PPP1R13B: variants seen among roughly 807,000 people sequenced by gnomAD.
PPP1R13B encodes the protein protein phosphatase 1 regulatory subunit 13B, also known as apoptosis-stimulating of p53 protein 1.
A neutral mutation model predicts 119.8 loss-of-function variants in PPP1R13B; 44 were observed. The observed-to-expected ratio is 0.37, with a 90% CI of 0.29 to 0.47. PPP1R13B has a LOEUF of 0.47. Among genes scored for constraint, PPP1R13B ranks in the 20% least tolerant of loss-of-function variants. The pLI is 0.99. For synonymous variants in PPP1R13B, 542 were observed against 561.5 expected (o/e 0.97, Z 0.49); for missense variants, 1,227 against 1,413.5 (o/e 0.87, Z 2.12).
upstream of PPP1R13B, chr14:103,847,609 C>T (rs1056871082): frequency 7.1e-6 from 7 of 986,350 alleles, no homozygotes; most frequent in African/African-American, 1.2e-4. Flanking sequence ...CTTCAGCCCC[C>T]GCAGGCCCCG....
At position 103,789,235 on chromosome 14, in the gene PPP1R13B, G is replaced by C. The variant is rs556701798; in HGVS notation, c.158-4321C>G. Among the ~76,000 whole-genome samples, 447 of 151,956 alleles carry C rather than the reference G, an allele frequency of 2.9e-3. 1 individual carries two copies. The highest frequency in any genetic ancestry group is 5.4e-3 in the South Asian group (26 of 4,808). ...TGTATTTTTGCAATTTTTTTTTTGG[G>C]GGGGATGGAGTCTCACTCTGTCGCC... is the stretch of plus-strand genomic sequence containing the variant. On this transcript the variant is annotated intron_variant, in intron 2 of 16. Transcript: ENST00000202556.
At chr14:103,764,930 T>C (rs1022572738) in intron 4 of PPP1R13B, among the ~76,000 whole-genome samples, 1 of 152,320 alleles carries the variant, frequency 6.6e-6, no homozygotes, top group Admixed American at 6.5e-5. Context: ...GCCATTCTCC[T>C]GCCTCAATCT....
At position 103,733,277 on chromosome 14, in the gene PPP1R13B, A is replaced by G. The variant is rs1357756481; in HGVS notation, c.*1877T>C. 2 of 478,466 alleles carry G rather than the reference A, an allele frequency of 4.2e-6. No individual in the cohort carries two copies. Among genetic ancestry groups the G allele is most frequent in the African/African-American group, 3.9e-5 (2 of 50,936 alleles). The allele number at this position is 478,466 out of a possible 1,614,324, so 29.6% of individuals were successfully genotyped here. Reference sequence around the variant, plus strand: ...TTGGGGGTGGGAGAGACTGAGCTACACTACTGCTAAACTATTTTTAGCATA... The same window carrying G: ...TTGGGGGTGGGAGAGACTGAGCTACGCTACTGCTAAACTATTTTTAGCATA... On this transcript the variant is annotated 3_prime_UTR_variant, in exon 17 of 17. Coordinates refer to ENST00000202556, the MANE Select transcript of PPP1R13B (RefSeq NM_015316.3).
Position 103,738,598 on chromosome 14 carries a change from T to G in PPP1R13B, c.2864+81A>C. 6.4e-7 allele frequency: 1 copy of G among 1,571,108 alleles called. No homozygotes were observed. Among genetic ancestry groups the G allele is most frequent in the Middle Eastern group, 1.7e-4 (1 of 5,890 alleles). On this transcript the variant is annotated intron_variant, in intron 14 of 16. Coordinates refer to ENST00000202556, the MANE Select transcript of PPP1R13B (RefSeq NM_015316.3). The surrounding 1 kb of genome is among the most constrained non-coding windows in gnomAD (Gnocchi z 5.6). ...CTCTAATTCTCTCTTCCGTGCTTCC[T>G]AATTGTCTAGAACACGCCTGTTTTC...
At position 103,742,409 on chromosome 14, in the gene PPP1R13B, C is replaced by T; in HGVS notation, c.1321-118G>A. ...TTGTAATCCGTCAAATTGGCTGTGA[C>T]CAGGACTTGGGGCACACTGTTGAGC... On this transcript the variant is annotated intron_variant, in intron 10 of 16. Transcript: ENST00000202556. This position sits in a 1 kb window ranked among gnomAD's most constrained non-coding sequence, Gnocchi z 4.9. The T allele has an allele frequency of 7.1e-7, 1 of 1,399,806 alleles. No homozygotes were observed. Among genetic ancestry groups the T allele is most frequent in the Non-Finnish European group, 9.5e-7 (1 of 1,047,958 alleles). 86.7% of individuals were successfully genotyped at this position (1,399,806 alleles called of 1,614,324 possible).
chr14:103,772,370 G>T (rs1021012797), intron 4 of PPP1R13B, among the ~76,000 whole-genome samples: 7 of 152,182 alleles, frequency 4.6e-5, no homozygotes, highest in Non-Finnish European at 8.8e-5. Context: ...GAGTAGAGTT[G>T]TTGGGTCATA....
chr14:103,821,674 C>G (rs1012811604), intron 1 of PPP1R13B, among the ~76,000 whole-genome samples: 1 of 152,052 alleles, frequency 6.6e-6, no homozygotes, highest in Non-Finnish European at 1.5e-5. Context: ...TTGCTTGAAC[C>G]CGGGAGGCAG....
intron 1 of PPP1R13B, among the ~76,000 whole-genome samples, chr14:103,830,360 TGC>T (rs1297800468): frequency 2.0e-5 from 3 of 152,114 alleles, no homozygotes; most frequent in Non-Finnish European, 2.9e-5. Context: ...CCTCCCAAAG[TGC>T]TAGGATTACA....
chr14:103,765,700 A>G (rs148540536), intron 4 of PPP1R13B, among the ~76,000 whole-genome samples: 67 of 152,118 alleles, frequency 4.4e-4, no homozygotes, highest in African/African-American at 1.5e-3. Flanking sequence ...CTGCTTCCTA[A>G]ACTCTGCCTA....
intron 1 of PPP1R13B, among the ~76,000 whole-genome samples, chr14:103,803,201 G>A (rs1595795590): frequency 1.3e-5 from 2 of 152,032 alleles, no homozygotes; most frequent in African/African-American, 2.4e-5. Flanking sequence ...TACACCTCAC[G>A]ATGGCATGAC....
chr14:103,848,235 C>T (rs2087119948), upstream of PPP1R13B: 14 of 985,158 alleles, frequency 1.4e-5, no homozygotes, highest in Non-Finnish European at 1.7e-5. Context: ...GATCTCCCGC[C>T]TAGAACCCCG....
intron 1 of PPP1R13B, among the ~76,000 whole-genome samples, chr14:103,804,749 AT>A (rs1263022041): frequency 6.6e-6 from 1 of 152,130 alleles, no homozygotes; most frequent in African/African-American, 2.4e-5. Context: ...AAAAAAAAAA[AT>A]CTAAACAGGA....
intron 2 of PPP1R13B, among the ~76,000 whole-genome samples, chr14:103,786,404 T>A (rs1256986678): frequency 6.6e-6 from 1 of 152,164 alleles, no homozygotes; most frequent in Non-Finnish European, 1.5e-5. Context: ...GGAACACTTT[T>A]ATATGTATAA....
intron 1 of PPP1R13B, among the ~76,000 whole-genome samples, chr14:103,838,847 A>C (rs2086836794): frequency 6.6e-6 from 1 of 152,256 alleles, no homozygotes; most frequent in Non-Finnish European, 1.5e-5. Flanking sequence ...TTAAGGTCAG[A>C]GAGCCCACAA....
At chr14:103,760,258 C>T (rs1044218077) in intron 4 of PPP1R13B, among the ~76,000 whole-genome samples, 3 of 152,108 alleles carry the variant, frequency 2.0e-5, no homozygotes, top group African/African-American at 4.8e-5. Context: ...AATAATAGGC[C>T]TATCACTGTA....
At chr14:103,749,208 G>A (rs549939023) in intron 8 of PPP1R13B, among the ~76,000 whole-genome samples, 1 of 152,200 alleles carries the variant, frequency 6.6e-6, no homozygotes, top group African/African-American at 2.4e-5. Context: ...TTTTCATTGA[G>A]TATTTATTCA....
At chr14:103,816,551 G>A (rs1435266496) in intron 1 of PPP1R13B, among the ~76,000 whole-genome samples, 1 of 151,402 alleles carries the variant, frequency 6.6e-6, no homozygotes, top group South Asian at 2.1e-4. Context: ...GCCGGGGGTG[G>A]TGGCACATGC....
chr14:103,806,602 C>T lies in PPP1R13B; in HGVS notation c.10-9084G>A, dbSNP rs117848158. On this transcript the variant is annotated intron_variant, in intron 1 of 16. Transcript: ENST00000202556. The stretch of plus-strand genomic sequence containing the variant: ...TTCTGGCCCTGATTGCAACTCAGTT[C>T]ACCAATTTAAAATCTCAGAAACATT... Among the ~76,000 whole-genome samples, 148 of 152,198 alleles carry T rather than the reference C, an allele frequency of 9.7e-4. 3 individuals are homozygous for T. The East Asian group carries it at 0.021, about 22-fold the overall frequency.
intron 14 of PPP1R13B, 25 bp from the exon 15 acceptor site, chr14:103,737,885 G>C (rs188451550): frequency 1.2e-6 from 2 of 1,605,464 alleles, no homozygotes; most frequent in East Asian, 4.5e-5. Flanking sequence ...GGGTGAAGGT[G>C]CAGGCCTGGC....
Sources: allele counts gnomAD v4.1 joint callset (sites outside exome capture counted in the v4.1 genomes callset), GRCh38; gene constraint gnomAD v4.1.1; non-coding constraint Gnocchi (gnomAD v3.1); transcripts MANE v1.5; gene names NCBI Gene and HGNC (gene_info 2026-07-23, HGNC 2026-07-21).